DLGAP1: variants seen among roughly 807,000 people sequenced by gnomAD.
The protein encoded by DLGAP1 is disks large-associated protein 1.
In DLGAP1, 11 loss-of-function variants were observed where a neutral mutation model predicts 90.8. The ratio of observed to expected loss-of-function variants is 0.12; its 90% CI spans 0.08 to 0.20. The LOEUF is 0.20. Among genes scored for constraint, DLGAP1 ranks in the 10% least tolerant of loss-of-function variants. The pLI is 1.00. For missense variants in DLGAP1, 1,050 were observed against 1,333.8 expected, an observed-to-expected ratio of 0.79 and a Z score of 3.31; for synonymous variants, 558 against 540.7, an observed-to-expected ratio of 1.03 and a Z score of -0.44.
intron 2 of DLGAP1, among the ~76,000 whole-genome samples, chr18:4,009,073 T>G (rs2074365334): frequency 6.6e-6 from 1 of 152,114 alleles, no homozygotes; most frequent in African/African-American, 2.4e-5. Flanking sequence ...CCCGGCTAAT[T>G]TTTTATATTT....
chr18:3,835,790 T>C (rs1017814172), intron 4 of DLGAP1, among the ~76,000 whole-genome samples: 2 of 152,090 alleles, frequency 1.3e-5, no homozygotes, highest in African/African-American at 4.8e-5. Flanking sequence ...AATGGAAACA[T>C]AAACATGGTT....
At chr18:4,199,091 A>G (rs1472440417) in intron 1 of DLGAP1, among the ~76,000 whole-genome samples, 1 of 152,222 alleles carries the variant, frequency 6.6e-6, no homozygotes, top group Admixed American at 6.5e-5. Context: ...GCAATGAATA[A>G]TGAGAGGAGC....
chr18:3,589,539 C>G (rs1340869605), intron 7 of DLGAP1, among the ~76,000 whole-genome samples: 1 of 151,922 alleles, frequency 6.6e-6, no homozygotes, highest in Non-Finnish European at 1.5e-5. Flanking sequence ...AATAAAAACA[C>G]AATAAGACAA....
intron 1 of DLGAP1, among the ~76,000 whole-genome samples, chr18:4,388,994 A>G (rs1282265839): frequency 6.6e-6 from 1 of 152,170 alleles, no homozygotes; most frequent in Non-Finnish European, 1.5e-5. Context: ...AAGATCCAGC[A>G]GTTCCACTTC....
chr18:4,215,616 A>C (rs180930486), intron 1 of DLGAP1, among the ~76,000 whole-genome samples: 76 of 152,132 alleles, frequency 5.0e-4, no homozygotes, highest in Non-Finnish European at 7.6e-4. Flanking sequence ...TAAGAGGGAA[A>C]TTTTTTTCCC....
intron 1 of DLGAP1, among the ~76,000 whole-genome samples, chr18:4,337,063 G>A (rs576304045): frequency 1.0e-3 from 156 of 149,582 alleles, no homozygotes; most frequent in African/African-American, 2.2e-3. Flanking sequence ...GCAGTGAGCC[G>A]AGATTGTGCC....
At chr18:4,109,519 T>C (rs1193738063) in intron 2 of DLGAP1, among the ~76,000 whole-genome samples, 1 of 151,958 alleles carries the variant, frequency 6.6e-6, no homozygotes, top group African/African-American at 2.4e-5. Context: ...GCTTTGGAGC[T>C]CCTGCTTCAC....
At chr18:3,665,457 G>A (rs1370509152) in intron 7 of DLGAP1, among the ~76,000 whole-genome samples, 1 of 152,038 alleles carries the variant, frequency 6.6e-6, no homozygotes, top group Non-Finnish European at 1.5e-5. Flanking sequence ...TGCTCCGCTG[G>A]GAATAGTCTT....
At chr18:4,148,130 G>A (rs949579930) in intron 2 of DLGAP1, among the ~76,000 whole-genome samples, 1 of 151,962 alleles carries the variant, frequency 6.6e-6, no homozygotes, top group Non-Finnish European at 1.5e-5. Context: ...AAGCCTAAAA[G>A]GAAACAAAAC....
chr18:4,163,795 C>A (rs555986836), intron 1 of DLGAP1, among the ~76,000 whole-genome samples: 1 of 152,326 alleles, frequency 6.6e-6, no homozygotes, highest in East Asian at 1.9e-4. Flanking sequence ...TTCTTCCATA[C>A]TTTTCTGTGT....
chr18:4,256,899 A>G (rs1262822632), intron 1 of DLGAP1, among the ~76,000 whole-genome samples: 1 of 152,146 alleles, frequency 6.6e-6, no homozygotes, highest in East Asian at 1.9e-4. Context: ...GCTGGAAAGG[A>G]GGAGAAGGAC....
At chr18:4,360,096 G>A (rs1411651093) in intron 1 of DLGAP1, among the ~76,000 whole-genome samples, 1 of 152,098 alleles carries the variant, frequency 6.6e-6, no homozygotes, top group Admixed American at 6.6e-5. Flanking sequence ...AAAATAATAT[G>A]AATTTGGGAA....
chr18:4,115,086 T>G (rs1197646419), intron 2 of DLGAP1, among the ~76,000 whole-genome samples: 1 of 152,162 alleles, frequency 6.6e-6, no homozygotes, highest in Non-Finnish European at 1.5e-5. Context: ...TGATATTTAT[T>G]TAACTTATCT....
In DLGAP1 at chr18:3,600,721, G is replaced by GCTATAT. The variant is rs1568277265; in HGVS notation, c.1592-18474_1592-18473insATATAG. On this transcript the variant is annotated intron_variant, in intron 7 of 12. Coordinates refer to ENST00000315677, the MANE Select transcript of DLGAP1 (RefSeq NM_004746.4). ...AGATATCTATAGCTATATAGATATA[G>GCTATAT]AGATATAGATATATATAGATATATA... Among the ~76,000 whole-genome samples, 226 of 23,552 alleles carry GCTATAT rather than the reference G, an allele frequency of 9.6e-3. 5 individuals are homozygous for GCTATAT. The highest frequency in any genetic ancestry group is 0.056 in the Middle Eastern group (2 of 36). 15.5% of individuals were successfully genotyped at this position (23,552 alleles called of 152,430 possible).
intron 1 of DLGAP1, among the ~76,000 whole-genome samples, chr18:4,160,906 C>T (rs758886835): frequency 6.6e-6 from 1 of 152,012 alleles, no homozygotes; most frequent in African/African-American, 2.4e-5. Flanking sequence ...AATTGAGGCA[C>T]TAAGAGATTA....
chr18:4,236,644 G>T (rs1484935009), intron 1 of DLGAP1, among the ~76,000 whole-genome samples: 1 of 151,548 alleles, frequency 6.6e-6, no homozygotes, highest in East Asian at 1.9e-4. Flanking sequence ...TTATCTTAAT[G>T]CTTTAATGCA....
chr18:4,202,835 C>T (rs191760195), intron 1 of DLGAP1, among the ~76,000 whole-genome samples: 58 of 152,112 alleles, frequency 3.8e-4, no homozygotes, highest in African/African-American at 1.4e-3. Flanking sequence ...AAGTTTTATC[C>T]TATATTATTC....
chr18:4,445,404 G>T (rs1403822344), intron 1 of DLGAP1, among the ~76,000 whole-genome samples: 1 of 149,512 alleles, frequency 6.7e-6, no homozygotes, highest in South Asian at 2.1e-4. Flanking sequence ...CCACTAACTC[G>T]TCATCTAGCA....
intron 6 of DLGAP1, among the ~76,000 whole-genome samples, chr18:3,732,798 T>C (rs2062489966): frequency 6.6e-6 from 1 of 152,150 alleles, no homozygotes; most frequent in East Asian, 1.9e-4. Flanking sequence ...GGAATCAGTA[T>C]GTTTCCAAAA....
Sources: gnomAD v4.1 joint callset for allele counts (sites outside exome capture counted in the v4.1 genomes callset) on GRCh38, gnomAD v4.1.1 for gene constraint, MANE v1.5 for transcripts, NCBI Gene and HGNC (gene_info 2026-07-23, HGNC 2026-07-21) for gene names.